Variants in CADPS observed in about 807,000 individuals in gnomAD.
CADPS encodes calcium-dependent secretion activator 1.
Under a neutral mutation model 167.3 loss-of-function variants are expected in CADPS, and 57 were observed. That is an observed-to-expected ratio of 0.34 (90% CI 0.28 to 0.42). CADPS has a LOEUF of 0.42. CADPS is among the 20% of genes least tolerant of loss of function. The pLI, the probability that CADPS is intolerant of heterozygous loss-of-function variation, is 1.00. For missense variants in CADPS, 1,414 were observed against 1,738.1 expected (o/e 0.81, Z 3.32); for synonymous variants, 676 against 635.3 (o/e 1.06, Z -0.96).
At chr3:62,406,396 G>T (rs996098792) in intron 28 of CADPS, among the ~76,000 whole-genome samples, 9 of 152,162 alleles carry the variant, frequency 5.9e-5, no homozygotes, top group African/African-American at 2.2e-4. Context: ...GAATGCAGCA[G>T]ATTTGTTATG....
At chr3:62,591,969 A>C (rs2086148699) in intron 7 of CADPS, among the ~76,000 whole-genome samples, 1 of 152,140 alleles carries the variant, frequency 6.6e-6, no homozygotes, top group South Asian at 2.1e-4. Context: ...AACTACGTGG[A>C]GATCTTAACT....
At chr3:62,486,465 A>AG (rs1173869480) in intron 21 of CADPS, among the ~76,000 whole-genome samples, 1 of 151,832 alleles carries the variant, frequency 6.6e-6, no homozygotes, top group Non-Finnish European at 1.5e-5. Context: ...AAAAAAAAAA[A>AG]AGATATTGAT....
chr3:62,417,273 ACTCTTTTTTTT>A (rs1398108090), intron 28 of CADPS, among the ~76,000 whole-genome samples: 8 of 51,512 alleles, frequency 1.6e-4, no homozygotes, highest in East Asian at 6.9e-4. Context: ...TTTTTCTTTT[ACTCTTTTTTTT>A]TTTTTTTTTT....
intron 1 of CADPS, among the ~76,000 whole-genome samples, chr3:62,851,682 AC>A (rs1274893745): frequency 6.9e-6 from 1 of 144,822 alleles, no homozygotes; most frequent in Non-Finnish European, 1.5e-5. Flanking sequence ...GGGTAACCCG[AC>A]CTTTCTCTCT....
At chr3:62,832,608 G>A (rs1156332362) in intron 1 of CADPS, among the ~76,000 whole-genome samples, 4 of 152,188 alleles carry the variant, frequency 2.6e-5, no homozygotes, top group African/African-American at 7.2e-5. Flanking sequence ...ATGCACACTT[G>A]TTACCAGTAG....
At chr3:62,873,968 G>A (rs1265852525) in intron 1 of CADPS, among the ~76,000 whole-genome samples, 1 of 152,224 alleles carries the variant, frequency 6.6e-6, no homozygotes, top group East Asian at 1.9e-4. Flanking sequence ...GACGCTAGTC[G>A]GTGATCAGCT....
At chr3:62,599,885 A>G (rs1199183086) in intron 6 of CADPS, among the ~76,000 whole-genome samples, 2 of 79,760 alleles carry the variant, frequency 2.5e-5, no homozygotes, top group South Asian at 3.1e-4. Flanking sequence ...TATAATATAT[A>G]TATATTATAT....
chr3:62,716,297 G>A (rs967239645), intron 3 of CADPS, among the ~76,000 whole-genome samples: 5 of 151,882 alleles, frequency 3.3e-5, no homozygotes, highest in African/African-American at 4.8e-5. Context: ...CAAGTGATCC[G>A]TCCATCTCGG....
chr3:62,494,441 A>G (rs936891422), intron 18 of CADPS, among the ~76,000 whole-genome samples: 1 of 152,214 alleles, frequency 6.6e-6, no homozygotes, highest in African/African-American at 2.4e-5. Flanking sequence ...AAAAATTCAC[A>G]AAGGTACACT....
intron 26 of CADPS, among the ~76,000 whole-genome samples, chr3:62,459,378 G>A (rs2059067992): frequency 6.6e-6 from 1 of 152,128 alleles, no homozygotes. Flanking sequence ...TGTACCATAG[G>A]CAAGCTCCTT....
intron 1 of CADPS, among the ~76,000 whole-genome samples, chr3:62,873,372 C>T (rs1304052811): frequency 6.6e-6 from 1 of 152,252 alleles, no homozygotes; most frequent in Non-Finnish European, 1.5e-5. Context: ...ACACTAGTCT[C>T]ACAGTCTTGA....
At chr3:62,873,619 T>C (rs1167141044) in intron 1 of CADPS, among the ~76,000 whole-genome samples, 2 of 142,990 alleles carry the variant, frequency 1.4e-5, no homozygotes, top group African/African-American at 5.3e-5. Context: ...ATAGGCGCCT[T>C]TTTTTTTTTT....
At chr3:62,816,209 G>GA (rs775582139) in intron 1 of CADPS, among the ~76,000 whole-genome samples, 24 of 152,034 alleles carry the variant, frequency 1.6e-4, no homozygotes, top group African/African-American at 5.3e-4. Context: ...TATGTAATGG[G>GA]AAAAAATCCT....
chr3:62,491,258 A>G (rs116633288), intron 21 of CADPS, 81 bp downstream of exon 21: 127 of 1,381,882 alleles, frequency 9.2e-5, no homozygotes, highest in Non-Finnish European at 1.3e-4. Flanking sequence ...TGAAACCCAT[A>G]TGACATCATT....
rs771588863 is a variant in CADPS, at chr3:62,533,028, G to A, written c.2134C>T (p.Leu712=). 1.7e-5 allele frequency: 28 copies of A among 1,613,604 alleles called. No homozygotes were observed. The Admixed American group carries it at 2.5e-4, about 14-fold the overall frequency. Residue 712 remains leucine (L), a synonymous_variant, in exon 13 of 30, where the codon CTA becomes TTA. Coordinates refer to ENST00000383710, the MANE Select transcript of CADPS (RefSeq NM_003716.4). ...CCATTTCGGGCGCAATACTCGTCTA[G>A]TACAAACACCTGGCCAGGACTGAAC... The part of the protein sequence containing the change: ...GWFSPGQVFV[L]DEYCARNGVR...
chr3:62,516,556 T>C (rs187916249), intron 15 of CADPS, 24 bp downstream of exon 15: 1 of 1,538,398 alleles, frequency 6.5e-7, no homozygotes. Context: ...ATATATGTGA[T>C]CTATCTTTTA....
In CADPS at chr3:62,438,094, A is replaced by G. The variant is rs1199729688; in HGVS notation, c.3777+10T>C. On this transcript the variant is annotated intron_variant, in intron 28 of 29. Transcript: ENST00000383710. The surrounding 1 kb of genome is among the most constrained non-coding windows in gnomAD (Gnocchi z 4.7). ...CCTTGGTTTTCAAGGAGGAGAAGGCATTTACTTACATCAAATAACCTTTCT... is the reference window on the plus strand; with the variant it reads ...CCTTGGTTTTCAAGGAGGAGAAGGCGTTTACTTACATCAAATAACCTTTCT... 1.3e-6 allele frequency: 2 copies of G among 1,581,842 alleles called. No individual in the cohort carries two copies. The highest frequency in any genetic ancestry group is 1.7e-6 in the Non-Finnish European group (2 of 1,151,402).
At chr3:62,467,547 G>A (rs1324322277) in intron 24 of CADPS, among the ~76,000 whole-genome samples, 1 of 151,066 alleles carries the variant, frequency 6.6e-6, no homozygotes, top group African/African-American at 2.5e-5. Context: ...TCATAGGCGA[G>A]GTTTGTTTGT....
chr3:62,674,778 CAT>C (rs1181508068), intron 3 of CADPS, among the ~76,000 whole-genome samples: 6 of 152,156 alleles, frequency 3.9e-5, no homozygotes, highest in African/African-American at 7.2e-5. Flanking sequence ...TACTTTAACA[CAT>C]GAGACAGTTC....
Sources: allele counts gnomAD v4.1 joint callset (sites outside exome capture counted in the v4.1 genomes callset), GRCh38; gene constraint gnomAD v4.1.1; non-coding constraint Gnocchi (gnomAD v3.1); transcripts MANE v1.5; gene names NCBI Gene and HGNC (gene_info 2026-07-23, HGNC 2026-07-21).